Variants in ULK4 observed in about 807,000 individuals in gnomAD.
ULK4 encodes the protein unc-51 like kinase 4.
A neutral mutation model predicts 160.6 loss-of-function variants in ULK4; 133 were observed. The ratio of observed to expected loss-of-function variants is 0.83; its 90% confidence interval spans 0.72 to 0.96. ULK4 has a LOEUF of 0.96. ULK4 is among the 40% of genes least tolerant of loss of function. The pLI is 0.00. For missense variants in ULK4, 1,580 were observed against 1,499.5 expected, an observed-to-expected ratio of 1.05 and a Z score of -0.89; for synonymous variants, 534 against 539.8, an observed-to-expected ratio of 0.99 and a Z score of 0.15.
intron 17 of ULK4, among the ~76,000 whole-genome samples, chr3:41,839,129 C>G (rs2125657498): frequency 6.6e-6 from 1 of 152,206 alleles, no homozygotes; most frequent in East Asian, 1.9e-4. Flanking sequence ...GCAGGTGGAT[C>G]ATGAGCTCAG....
chr3:41,835,819 G>T, intron 18 of ULK4, 45 bp downstream of exon 18: 1 of 1,420,498 alleles, frequency 7.0e-7, no homozygotes, highest in South Asian at 1.2e-5. Flanking sequence ...GCCAGAGTAT[G>T]TCAGAACATG....
intron 35 of ULK4, among the ~76,000 whole-genome samples, chr3:41,331,979 A>G (rs2125741325): frequency 6.6e-6 from 1 of 152,374 alleles, no homozygotes; most frequent in East Asian, 1.9e-4. Context: ...TCACCTGACT[A>G]TCTTCCAAAG....
intron 35 of ULK4, among the ~76,000 whole-genome samples, chr3:41,281,639 T>C (rs1374515852): frequency 2.6e-5 from 4 of 152,306 alleles, no homozygotes; most frequent in African/African-American, 9.6e-5. Flanking sequence ...TAGGTATTGA[T>C]GGAATGTATC....
chr3:41,635,949 C>A (rs898078388), intron 30 of ULK4, among the ~76,000 whole-genome samples: 2 of 152,116 alleles, frequency 1.3e-5, no homozygotes, highest in Admixed American at 1.3e-4. Context: ...ACATAGTTTT[C>A]CAACCTGTCA....
chr3:41,378,516 G>T (rs909167011), intron 35 of ULK4, among the ~76,000 whole-genome samples: 4 of 151,636 alleles, frequency 2.6e-5, no homozygotes, highest in Non-Finnish European at 4.4e-5. Context: ...ATCATTATCA[G>T]CAAACTATCG....
intron 34 of ULK4, among the ~76,000 whole-genome samples, chr3:41,440,089 AG>A (rs1358769422): frequency 2.0e-5 from 3 of 152,166 alleles, no homozygotes; most frequent in Non-Finnish European, 4.4e-5. Flanking sequence ...AATTTCTAGT[AG>A]CTTTTTGTTG....
chr3:41,528,089 A>G (rs897696547), intron 32 of ULK4, among the ~76,000 whole-genome samples: 21 of 152,236 alleles, frequency 1.4e-4, no homozygotes, highest in Admixed American at 4.6e-4. Context: ...CATGTAGCCA[A>G]TGGAATTTCA....
chr3:41,684,621 G>C (rs142492826), intron 27 of ULK4, among the ~76,000 whole-genome samples: 398 of 152,246 alleles, frequency 2.6e-3, no homozygotes, highest in African/African-American at 9.1e-3. Flanking sequence ...TGTCTTAAAA[G>C]GTCCCACCCC....
intron 31 of ULK4, among the ~76,000 whole-genome samples, chr3:41,586,827 T>C (rs180701499): frequency 1.3e-4 from 20 of 152,282 alleles, no homozygotes; most frequent in Admixed American, 1.0e-3. Context: ...GTACTATCAA[T>C]GTGAATTTAT....
chr3:41,687,975 T>C (rs1451333942), intron 27 of ULK4: 1 of 152,004 alleles, frequency 6.6e-6, no homozygotes, highest in Non-Finnish European at 1.5e-5. Flanking sequence ...TGAAGGGAGG[T>C]GGACGCAAAC....
At chr3:41,901,835 C>T (rs1282336804) in intron 12 of ULK4, among the ~76,000 whole-genome samples, 1 of 152,098 alleles carries the variant, frequency 6.6e-6, no homozygotes, top group African/African-American at 2.4e-5. Context: ...CTTTACAGAA[C>T]ATTCAATGTG....
intron 35 of ULK4, among the ~76,000 whole-genome samples, chr3:41,339,195 C>T (rs964301250): frequency 6.6e-6 from 1 of 151,924 alleles, no homozygotes; most frequent in Non-Finnish European, 1.5e-5. Flanking sequence ...CAGGGCTTTC[C>T]CCAATCCCCT....
At chr3:41,658,638 T>C (rs1428995089) in intron 30 of ULK4, among the ~76,000 whole-genome samples, 2 of 152,170 alleles carry the variant, frequency 1.3e-5, no homozygotes, top group African/African-American at 4.8e-5. Flanking sequence ...GCACAGATAG[T>C]ATATGAATTA....
chr3:41,790,763 G>A (rs1448642346), intron 20 of ULK4, among the ~76,000 whole-genome samples: 1 of 152,172 alleles, frequency 6.6e-6, no homozygotes, highest in Non-Finnish European at 1.5e-5. Flanking sequence ...AAGCAAGCTG[G>A]AGCCAGAGTT....
intron 21 of ULK4, among the ~76,000 whole-genome samples, chr3:41,758,410 CA>C (rs1056187732): frequency 7.9e-5 from 12 of 152,142 alleles, no homozygotes; most frequent in Non-Finnish European, 1.5e-4. Context: ...TTATAGACAT[CA>C]AAAAGGTCCA....
chr3:41,617,871 CT>C (rs1316857819), intron 30 of ULK4, among the ~76,000 whole-genome samples: 1 of 152,016 alleles, frequency 6.6e-6, no homozygotes, highest in Non-Finnish European at 1.5e-5. Flanking sequence ...AGTTAAGAAC[CT>C]TAATAAAAGG....
rs375550047 is a variant in ULK4, at chr3:41,613,018, C to T, written c.3120+2651G>A. ...CAGCTAAATGAATCAAATGATGTTT[C>T]GCTATTTTCTTAATGGGTAGCCAGA... On this transcript the variant is annotated intron_variant, in intron 31 of 36. Coordinates refer to ENST00000301831, the MANE Select transcript of ULK4 (RefSeq NM_017886.4). 1.6e-3 allele frequency among the ~76,000 whole-genome samples: 242 copies of T among 152,240 alleles called. 2 individuals are homozygous for T. The highest frequency in any genetic ancestry group is 5.6e-3 in the African/African-American group (233 of 41,548).
chr3:41,663,079 G>A (rs1450076894), intron 30 of ULK4, among the ~76,000 whole-genome samples: 1 of 151,804 alleles, frequency 6.6e-6, no homozygotes, highest in Non-Finnish European at 1.5e-5. Flanking sequence ...AAATTAGCTG[G>A]GCATGGCGGC....
intron 30 of ULK4, among the ~76,000 whole-genome samples, chr3:41,660,934 C>T (rs557998650): frequency 1.3e-5 from 2 of 151,984 alleles, no homozygotes; most frequent in South Asian, 4.2e-4. Context: ...TGTATCTTGC[C>T]TTTTTAAACT....
Sources: allele counts gnomAD v4.1 joint callset (sites outside exome capture counted in the v4.1 genomes callset), GRCh38; gene constraint gnomAD v4.1.1; transcripts MANE v1.5; gene names NCBI Gene and HGNC (gene_info 2026-07-23, HGNC 2026-07-21).